TTLL2: variants seen among roughly 807,000 people sequenced by gnomAD.
The protein encoded by TTLL2 is tubulin tyrosine ligase like 2, also known as probable tubulin polyglutamylase TTLL2.
Under a neutral mutation model 7.5 loss-of-function variants are expected in TTLL2, and 10 were observed. The ratio of observed to expected loss-of-function variants is 1.33; its 90% CI spans 0.82 to 2.25. The LOEUF is 2.25. Ranked by LOEUF, TTLL2 falls within the 30% of genes most tolerant of loss-of-function variation. The probability of loss-of-function intolerance (pLI) is 0.00; values close to 1 mark genes in which losing one functional copy is unlikely to be tolerated. For synonymous variants in TTLL2, 284 were observed against 280.3 expected, an observed-to-expected ratio of 1.01 and a Z score of -0.13; for missense variants, 733 against 735.7, an observed-to-expected ratio of 1.00 and a Z score of 0.04.
intron 1 of TTLL2, among the ~76,000 whole-genome samples, chr6:167,325,876 G>C (rs1317498218): frequency 6.6e-6 from 1 of 152,162 alleles, no homozygotes; most frequent in African/African-American, 2.4e-5. Context: ...ATTTGAGGCT[G>C]AGGAGGGTGG....
chr6:167,327,977 C>T (rs1025060614), intron 1 of TTLL2: 49 of 456,212 alleles, frequency 1.1e-4, no homozygotes, highest in Non-Finnish European at 1.8e-4. Flanking sequence ...CTCTCCTTGA[C>T]CCCAAAATAT....
At chr6:167,332,284 G>A (rs897630186) in intron 1 of TTLL2, among the ~76,000 whole-genome samples, 10 of 152,148 alleles carry the variant, frequency 6.6e-5, no homozygotes, top group Non-Finnish European at 1.0e-4. Flanking sequence ...GGCTGCCTGT[G>A]GTCGGCTGAT....
Position 167,340,720 on chromosome 6 carries a change from C to A in TTLL2, c.820C>A (p.Gln274Lys), listed in dbSNP as rs1779073724. The A allele has an allele frequency of 6.2e-7, 1 of 1,614,120 alleles. No homozygotes were observed. The change falls in exon 3 of 3, where the codon CAG becomes AAG. Residue 274 changes from glutamine (Q) to lysine (K), a missense_variant. Transcript: ENST00000239587. ...GFKPLTIYVY[Q>K]EGLVRFATEK... ...TAAGCCTTTGACCATTTATGTTTAT[C>A]AGGAAGGGTTGGTTCGGTTTGCCAC...
Position 167,341,293 on chromosome 6 carries a change from T to C in TTLL2, c.1393T>C (p.Tyr465His). The C allele has an allele frequency of 3.7e-6, 6 of 1,613,660 alleles. No individual in the cohort carries two copies. Among genetic ancestry groups the C allele is most frequent in the Non-Finnish European group, 5.1e-6 (6 of 1,179,952 alleles). Reference sequence around the variant, plus strand: ...TTCTCTTTCGTTCACAAGCAGAATGTACAACGAGGATGACTCTGTGGTGGA... The same window carrying C: ...TTCTCTTTCGTTCACAAGCAGAATGCACAACGAGGATGACTCTGTGGTGGA... ...YDSLSFTSRM[Y>H]NEDDSVVEKA... The change falls in exon 3 of 3, where the codon TAC becomes CAC. Residue 465 changes from tyrosine to histidine, a missense_variant. Coordinates refer to ENST00000239587, the MANE Select transcript of TTLL2 (RefSeq NM_031949.5).
At chr6:167,333,891 C>T in intron 1 of TTLL2, among the ~76,000 whole-genome samples, 2 of 116,114 alleles carry the variant, frequency 1.7e-5, no homozygotes, top group African/African-American at 7.2e-5. Flanking sequence ...TTCAAAAAAC[C>T]AGCTCCTGGA....
chr6:167,330,750 G>T (rs1412375244), intron 1 of TTLL2, among the ~76,000 whole-genome samples: 1 of 152,074 alleles, frequency 6.6e-6, no homozygotes, highest in Non-Finnish European at 1.5e-5. Flanking sequence ...GACACCCGTG[G>T]CCTCATATTT....
chr6:167,337,198 G>A (rs1481444172), intron 1 of TTLL2, among the ~76,000 whole-genome samples: 1 of 152,248 alleles, frequency 6.6e-6, no homozygotes, highest in Non-Finnish European at 1.5e-5. Context: ...AAAGGACTTT[G>A]AGAAGAAAAA....
intron 1 of TTLL2, among the ~76,000 whole-genome samples, chr6:167,330,422 G>A (rs2981976): frequency 0.79 from 120,508 of 151,932 alleles, 49,388 homozygotes; most frequent in East Asian, 0.94. Flanking sequence ...TTATCCAGGC[G>A]TGGTGGTGCC....
chr6:167,341,734 C>A lies in TTLL2; in HGVS notation c.*55C>A. On this transcript the variant is annotated 3_prime_UTR_variant, in exon 3 of 3. Transcript: ENST00000239587. The stretch of plus-strand genomic sequence containing the variant: ...ACATGGATTTTTAAAAACCAAGGAT[C>A]CTGTCCTAGAGAAAGCAATAGTTCA... 3.3e-6 allele frequency: 5 copies of A among 1,517,854 alleles called. No homozygotes were observed. Among genetic ancestry groups the A allele is most frequent in the Non-Finnish European group, 4.4e-6 (5 of 1,140,760 alleles). 94.0% of individuals were successfully genotyped at this position (1,517,854 alleles called of 1,614,324 possible).
chr6:167,341,994 G>A lies in TTLL2; in HGVS notation c.*315G>A. 4.3e-6 allele frequency: 1 copy of A among 232,608 alleles called. No homozygotes were observed. Among genetic ancestry groups the A allele is most frequent in the Admixed American group, 5.1e-5 (1 of 19,670 alleles). 14.4% of individuals were successfully genotyped at this position (232,608 alleles called of 1,614,324 possible). On this transcript the variant is annotated 3_prime_UTR_variant, in exon 3 of 3. Transcript: ENST00000239587. ...ATTATGCTATGTATGTATTTAAAGAGGAGAAAAAGATTATTCTAATATTTT... is the reference window on the plus strand; with the variant it reads ...ATTATGCTATGTATGTATTTAAAGAAGAGAAAAAGATTATTCTAATATTTT...
rs1427146222 is a variant in TTLL2 at position 167,341,661 on chromosome 6, G to A, written c.1761G>A (p.Met587Ile). The A allele has an allele frequency of 3.7e-6, 6 of 1,606,922 alleles. No homozygotes were observed. Among genetic ancestry groups the A allele is most frequent in the Non-Finnish European group, 4.2e-6 (5 of 1,177,660 alleles). Residue 587 changes from methionine to isoleucine, a missense_variant, in exon 3 of 3, where the codon ATG becomes ATA. Transcript: ENST00000239587. The stretch of plus-strand genomic sequence containing the variant: ...TAATCCAAGAGCTCCAGAAACTAAT[G>A]AATAAGCAACATTCCTAAGTGGTAA... ...KRIIQELQKL[M>I]NKQHS
intron 1 of TTLL2, among the ~76,000 whole-genome samples, chr6:167,332,516 A>G (rs58158911): frequency 0.021 from 3,113 of 151,762 alleles, 119 homozygotes; most frequent in African/African-American, 0.072. Flanking sequence ...CATTGAATCT[A>G]TAAATCACCT....
At chr6:167,338,892 C>T in intron 2 of TTLL2, 89 bp downstream of exon 2, 1 of 1,275,754 alleles carries the variant, frequency 7.8e-7, no homozygotes, top group Non-Finnish European at 1.0e-6. Flanking sequence ...TTTCCCCTCC[C>T]TCCCCTCTTC....
chr6:167,326,926 C>G (rs753458711), intron 1 of TTLL2, among the ~76,000 whole-genome samples: 7 of 152,080 alleles, frequency 4.6e-5, no homozygotes, highest in African/African-American at 1.7e-4. Flanking sequence ...AAGGATGTAC[C>G]CAGGAAAAAG....
Position 167,341,967 on chromosome 6 carries a change from C to A in TTLL2, c.*288C>A. The stretch of plus-strand genomic sequence containing the variant: ...ACCAGTAATTGAATGTGCTACACTA[C>A]GATTATGCTATGTATGTATTTAAAG... On this transcript the variant is annotated 3_prime_UTR_variant, in exon 3 of 3. Coordinates refer to ENST00000239587, the MANE Select transcript of TTLL2 (RefSeq NM_031949.5). 2.9e-6 allele frequency: 1 copy of A among 348,742 alleles called. No individual in the cohort carries two copies. The highest frequency in any genetic ancestry group is 5.2e-6 in the Non-Finnish European group (1 of 193,478). 21.6% of individuals were successfully genotyped at this position (348,742 alleles called of 1,614,324 possible).
At chr6:167,326,378 C>T (rs888891219) in intron 1 of TTLL2, among the ~76,000 whole-genome samples, 26 of 151,958 alleles carry the variant, frequency 1.7e-4, no homozygotes, top group East Asian at 5.8e-4. Context: ...ACTCAAAAAA[C>T]GGGACTGTCT....
In TTLL2 at chr6:167,338,634, G is replaced by A. The variant is rs1779024412; in HGVS notation, c.48-13G>A. 6.2e-7 allele frequency: 1 copy of A among 1,608,026 alleles called. No homozygotes were observed. Among genetic ancestry groups the A allele is most frequent in the Non-Finnish European group, 8.5e-7 (1 of 1,176,122 alleles). ...ATGCTGTGTGTTCATTGTTGATGCT[G>A]CTTTGTTCACAGATCTTTGAGAACC... On this transcript the variant is annotated splice_polypyrimidine_tract_variant and intron_variant, in intron 1 of 2. Transcript: ENST00000239587.
At chr6:167,336,085 T>C (rs1778980804) in intron 1 of TTLL2, among the ~76,000 whole-genome samples, 2 of 151,900 alleles carry the variant, frequency 1.3e-5, no homozygotes, top group South Asian at 4.2e-4. Flanking sequence ...GGACCTTGGG[T>C]ATTGTGACTG....
intron 2 of TTLL2, among the ~76,000 whole-genome samples, chr6:167,339,110 T>C (rs1430525123): frequency 6.7e-6 from 1 of 148,474 alleles, no homozygotes; most frequent in Non-Finnish European, 1.5e-5. Context: ...ACAGCATCTG[T>C]CAAAATTTAC....
Sources: gnomAD v4.1 joint callset for allele counts (sites outside exome capture counted in the v4.1 genomes callset) on GRCh38, gnomAD v4.1.1 for gene constraint, MANE v1.5 for transcripts, NCBI Gene and HGNC (gene_info 2026-07-23, HGNC 2026-07-21) for gene names.